CBLC: variants seen among roughly 807,000 people sequenced by gnomAD.
The protein encoded by CBLC is E3 ubiquitin-protein ligase CBL-C.
Under a neutral mutation model 58.6 loss-of-function variants are expected in CBLC, and 46 were observed. The ratio of observed to expected loss-of-function variants is 0.79; its 90% CI spans 0.62 to 1.00. The LOEUF is 1.00. Ranked by LOEUF, CBLC falls within the 50% of genes least tolerant of loss-of-function variation. The probability of loss-of-function intolerance (pLI) is 0.00; values close to 1 mark genes in which losing one functional copy is unlikely to be tolerated. For synonymous variants in CBLC, 271 were observed against 264.2 expected (o/e 1.03, Z -0.25); for missense variants, 655 against 625.8 (o/e 1.05, Z -0.50).
rs1014912119 is a variant in CBLC at position 44,778,274 on chromosome 19, T to A, written c.343T>A (p.Ser115Thr). Residue 115 changes from serine to threonine, a missense_variant, in exon 1 of 11, where the codon TCC (serine) becomes ACC (threonine). Ser to Thr is a moderately conservative substitution (Grantham distance 58). Transcript: ENST00000647358. Reference protein sequence around the residue: ...SANDELFRAGSRLRRQLAKLA... With the variant: ...SANDELFRAGTRLRRQLAKLA... ...CAACGACGAGCTCTTCCGGGCGGGCTCCAGACTCAGGTGAGCCTTCGCCCC... is the reference window on the plus strand; with the variant it reads ...CAACGACGAGCTCTTCCGGGCGGGCACCAGACTCAGGTGAGCCTTCGCCCC... 8 of 1,437,006 alleles carry A rather than the reference T, an allele frequency of 5.6e-6. No individual in the cohort carries two copies. Among genetic ancestry groups the A allele is most frequent in the Non-Finnish European group, 7.3e-6 (8 of 1,097,708 alleles). The allele number at this position is 1,437,006 out of a possible 1,614,324, so 89.0% of individuals were successfully genotyped here.
In CBLC at chr19:44,778,285, G is replaced by C. The variant is rs1439139685; in HGVS notation, c.353+1G>C. 1 of 1,431,622 alleles carries C rather than the reference G, an allele frequency of 7.0e-7. No individual in the cohort carries two copies. Among genetic ancestry groups the C allele is most frequent in the East Asian group, 2.6e-5 (1 of 37,958 alleles). 88.7% of individuals were successfully genotyped at this position (1,431,622 alleles called of 1,614,324 possible). On this transcript the variant is annotated splice_donor_variant, in intron 1 of 10. Coordinates refer to ENST00000647358, the MANE Select transcript of CBLC (RefSeq NM_012116.4). LOFTEE classifies it high-confidence loss of function. ...TCTTCCGGGCGGGCTCCAGACTCAG[G>C]TGAGCCTTCGCCCCAGAACAAAGTC... is the stretch of plus-strand genomic sequence containing the variant.
intron 1 of CBLC, among the ~76,000 whole-genome samples, chr19:44,779,339 C>T (rs977676701): frequency 2.0e-5 from 3 of 152,076 alleles, no homozygotes; most frequent in African/African-American, 7.2e-5. Context: ...GCCCCCATCA[C>T]GGTTTCTGCC....
chr19:44,799,236 CTG>C (rs1377967823), intron 9 of CBLC, among the ~76,000 whole-genome samples: 1 of 152,206 alleles, frequency 6.6e-6, no homozygotes, highest in Non-Finnish European at 1.5e-5. Flanking sequence ...CTTTGGGAGG[CTG>C]AGGCAGGAGG....
intron 6 of CBLC, among the ~76,000 whole-genome samples, chr19:44,791,649 C>T (rs1968052660): frequency 6.6e-6 from 1 of 151,124 alleles, no homozygotes; most frequent in South Asian, 2.1e-4. Context: ...ACAAGAATCG[C>T]TTGAACCTGG....
chr19:44,778,023 A>G lies in CBLC; in HGVS notation c.92A>G (p.Gln31Arg), dbSNP rs750480822. The G allele has an allele frequency of 1.6e-5, 26 of 1,609,144 alleles. No individual in the cohort carries two copies. Among genetic ancestry groups the G allele is most frequent in the Non-Finnish European group, 2.1e-5 (25 of 1,179,552 alleles). The change falls in exon 1 of 11, where the codon CAA becomes CGA. Residue 31 changes from glutamine (Q) to arginine (R), a missense_variant. By Grantham distance (43) the Gln-to-Arg change is conservative (BLOSUM62 1). Coordinates refer to ENST00000647358, the MANE Select transcript of CBLC (RefSeq NM_012116.4). ...AGGATGCTGCAGCGCCTAGAAGAGCAATGCGTCGACCCCCGGCTGTCCGTG... is the reference window on the plus strand; with the variant it reads ...AGGATGCTGCAGCGCCTAGAAGAGCGATGCGTCGACCCCCGGCTGTCCGTG... ...AVRMLQRLEE[Q>R]CVDPRLSVSP...
intron 3 of CBLC, 40 bp downstream of exon 3, chr19:44,781,403 G>C (rs756219241): frequency 6.3e-7 from 1 of 1,585,970 alleles, no homozygotes; most frequent in Non-Finnish European, 8.6e-7. Context: ...CTTGGGTCCA[G>C]GAGGAAGTAG....
At chr19:44,799,424 C>A (rs997304890) in intron 9 of CBLC, among the ~76,000 whole-genome samples, 1 of 152,072 alleles carries the variant, frequency 6.6e-6, no homozygotes, top group Non-Finnish European at 1.5e-5. Context: ...TCCCCACCTC[C>A]TGGGTTCAAA....
intron 5 of CBLC, among the ~76,000 whole-genome samples, chr19:44,785,064 C>T (rs1967862474): frequency 1.4e-5 from 2 of 147,240 alleles, no homozygotes; most frequent in East Asian, 2.0e-4. Flanking sequence ...CTCTGCCTCC[C>T]AGATTCAAGC....
intron 5 of CBLC, among the ~76,000 whole-genome samples, chr19:44,785,025 G>C (rs554570956): frequency 7.8e-6 from 1 of 128,522 alleles, no homozygotes. Flanking sequence ...TGACTGGAGT[G>C]CAATGGCATG....
intron 9 of CBLC, among the ~76,000 whole-genome samples, chr19:44,794,503 C>T (rs183496396): frequency 1.7e-5 from 2 of 119,168 alleles, no homozygotes; most frequent in African/African-American, 6.7e-5. Flanking sequence ...CTTGTTCTGT[C>T]GCTCAGGCTG....
At chr19:44,786,871 G>A (rs912805567) in intron 5 of CBLC, among the ~76,000 whole-genome samples, 19 of 152,240 alleles carry the variant, frequency 1.2e-4, no homozygotes, top group Non-Finnish European at 1.5e-4. Context: ...TTGGGAGACT[G>A]AGGCAGGCAG....
Position 44,780,963 on chromosome 19 carries a change from C to T in CBLC, c.412C>T (p.Leu138Phe), listed in dbSNP as rs1394255813. The T allele has an allele frequency of 6.2e-7, 1 of 1,613,568 alleles. No homozygotes were observed. Among genetic ancestry groups the T allele is most frequent in the Admixed American group, 1.7e-5 (1 of 60,026 alleles). Residue 138 changes from leucine to phenylalanine, a missense_variant, in exon 2 of 11, where the codon CTC becomes TTC. Leu to Phe is a conservative substitution (Grantham distance 22). Around this residue, in one of 3 missense-constraint regions of CBLC, gnomAD observed 280 missense variants for 237.2 expected, o/e 1.18. Coordinates refer to ENST00000647358, the MANE Select transcript of CBLC (RefSeq NM_012116.4). ...CCACATGCACGCAGAGCTGCACGCA[C>T]TCTTCCCCGGGGGAAAGTACTGTGG... Reference protein sequence around the residue: ...FSHMHAELHALFPGGKYCGHM... With the variant: ...FSHMHAELHAFFPGGKYCGHM...
intron 1 of CBLC, among the ~76,000 whole-genome samples, chr19:44,778,863 C>G (rs1208792097): frequency 6.8e-6 from 1 of 147,020 alleles, no homozygotes; most frequent in Non-Finnish European, 1.5e-5. Flanking sequence ...CCCCTCCTCC[C>G]TCAGACCCAG....
intron 6 of CBLC, among the ~76,000 whole-genome samples, chr19:44,791,770 G>A (rs1014890666): frequency 2.0e-5 from 3 of 151,500 alleles, no homozygotes; most frequent in African/African-American, 7.3e-5. Flanking sequence ...ACATGTAGGA[G>A]GCCATTGGAC....
At chr19:44,799,666 G>T (rs911627618) in intron 9 of CBLC, among the ~76,000 whole-genome samples, 3 of 148,726 alleles carry the variant, frequency 2.0e-5, no homozygotes, top group Admixed American at 6.7e-5. Flanking sequence ...TGTTGTTGTT[G>T]TTTTTAAAAA....
At chr19:44,781,946 C>T (rs1445137647) in intron 3 of CBLC, among the ~76,000 whole-genome samples, 1 of 128,496 alleles carries the variant, frequency 7.8e-6, no homozygotes, top group African/African-American at 3.1e-5. Flanking sequence ...GGCCTGGACT[C>T]CTGGGTCTGA....
At chr19:44,781,778 AG>A (rs201717138) in intron 3 of CBLC, among the ~76,000 whole-genome samples, 11 of 21,882 alleles carry the variant, frequency 5.0e-4, no homozygotes, top group Admixed American at 5.4e-4. Flanking sequence ...CTGAGGGAGG[AG>A]GGGGCTGGAG....
intron 9 of CBLC, among the ~76,000 whole-genome samples, chr19:44,798,529 C>T (rs1317834738): frequency 6.6e-6 from 1 of 152,132 alleles, no homozygotes; most frequent in Non-Finnish European, 1.5e-5. Flanking sequence ...GCCCGGCCAA[C>T]ATGGTGAAAC....
At chr19:44,800,085 C>T (rs545055598) in intron 9 of CBLC, among the ~76,000 whole-genome samples, 31 of 152,238 alleles carry the variant, frequency 2.0e-4, no homozygotes, top group African/African-American at 7.5e-4. Context: ...AGATGGTGGC[C>T]GCCACCACTG....
Sources: gnomAD v4.1 joint callset for allele counts (sites outside exome capture counted in the v4.1 genomes callset) on GRCh38, gnomAD v4.1.1 for gene constraint, gnomAD v4.1.1 regional missense constraint, MANE v1.5 for transcripts, NCBI Gene and HGNC (gene_info 2026-07-23, HGNC 2026-07-21) for gene names.